BLM: variants seen among roughly 807,000 people sequenced by gnomAD.
BLM encodes the protein BLM RecQ like helicase, also known as recQ-like DNA helicase BLM.
A neutral mutation model predicts 135.3 loss-of-function variants in BLM; 95 were observed. That is an observed-to-expected ratio of 0.70 (90% confidence interval 0.59 to 0.83). BLM has a LOEUF of 0.83. Among genes scored for constraint, BLM ranks in the 40% least tolerant of loss-of-function variants. The pLI, the probability that BLM is intolerant of heterozygous loss-of-function variation, is 0.00. For missense variants in BLM, 1,518 were observed against 1,663.9 expected (o/e 0.91, Z 1.53); for synonymous variants, 520 against 589.2 (o/e 0.88, Z 1.70).
At chr15:90,798,130 C>T in intron 16 of BLM, 60 bp from the exon 17 acceptor site, 1 of 1,433,284 alleles carries the variant, frequency 7.0e-7, no homozygotes, top group Non-Finnish European at 9.7e-7. Context: ...ATATTAAACC[C>T]TAGTAATCTA....
At chr15:90,783,684 G>C (rs1336915926) in intron 13 of BLM, among the ~76,000 whole-genome samples, 1 of 152,174 alleles carries the variant, frequency 6.6e-6, no homozygotes. Flanking sequence ...TGAATCACTT[G>C]AGGTCAGGAT....
chr15:90,775,510 A>G (rs943993806), intron 12 of BLM, among the ~76,000 whole-genome samples: 16 of 144,850 alleles, frequency 1.1e-4, no homozygotes, highest in African/African-American at 2.6e-4. Flanking sequence ...TTATATATAT[A>G]TGTGTGTGTG....
At chr15:90,811,139 A>G in intron 20 of BLM, 66 bp from the exon 21 acceptor site, 1 of 1,552,808 alleles carries the variant, frequency 6.4e-7, no homozygotes, top group Non-Finnish European at 8.9e-7. Context: ...GTGTCTCTTC[A>G]TATACACTAA....
intron 16 of BLM, among the ~76,000 whole-genome samples, chr15:90,794,756 A>G (rs1040705577): frequency 6.7e-6 from 1 of 148,972 alleles, no homozygotes; most frequent in African/African-American, 2.4e-5. Context: ...TAAATTAAAT[A>G]TATTAAAATT....
intron 1 of BLM, among the ~76,000 whole-genome samples, chr15:90,725,179 G>A (rs1363022376): frequency 8.5e-5 from 13 of 152,108 alleles, no homozygotes; most frequent in Admixed American, 8.5e-4. Flanking sequence ...AAAGTGCTGG[G>A]ATTACAGGCA....
intron 14 of BLM, among the ~76,000 whole-genome samples, chr15:90,790,114 T>C (rs1596256631): frequency 6.7e-6 from 1 of 150,108 alleles, no homozygotes; most frequent in East Asian, 2.0e-4. Flanking sequence ...ATAGAAGGAG[T>C]TGATGTGTGA....
At chr15:90,789,240 A>G (rs1896838441) in intron 14 of BLM, among the ~76,000 whole-genome samples, 1 of 152,216 alleles carries the variant, frequency 6.6e-6, no homozygotes, top group South Asian at 2.1e-4. Context: ...TTCACAAAGA[A>G]TGATTGTGGC....
chr15:90,745,511 G>T (rs1250368513), intron 1 of BLM, among the ~76,000 whole-genome samples: 1 of 152,124 alleles, frequency 6.6e-6, no homozygotes, highest in African/African-American at 2.4e-5. Context: ...CTAGGCTCAA[G>T]CAGTCCTCCC....
Position 90,749,566 on chromosome 15 carries a change from CAGAG to C in BLM, c.301_304del (p.Arg101ValfsTer27), listed in dbSNP as rs1489224386. On this transcript the variant is annotated frameshift_variant, in exon 3 of 22. Transcript: ENST00000355112. LOFTEE classifies it high-confidence loss of function. ...AAATGCTCCAGCAGGACAGGAAACA[CAGAG>C]AGGTGGATCAAAATCATTATTGCCA... is the stretch of plus-strand genomic sequence containing the variant. 6.2e-7 allele frequency: 1 copy of C among 1,614,168 alleles called. No homozygotes were observed. Among genetic ancestry groups the C allele is most frequent in the Non-Finnish European group, 8.5e-7 (1 of 1,180,024 alleles).
chr15:90,736,201 C>A (rs753912874), intron 1 of BLM, among the ~76,000 whole-genome samples: 3 of 152,194 alleles, frequency 2.0e-5, no homozygotes, highest in Non-Finnish European at 4.4e-5. Context: ...ACTACACATG[C>A]ATTTGCCCTT....
Position 90,719,409 on chromosome 15 carries a change from C to T in BLM, c.-5+1969C>T, listed in dbSNP as rs1265556394. On this transcript the variant is annotated intron_variant, in intron 1 of 21. Coordinates refer to ENST00000355112, the MANE Select transcript of BLM (RefSeq NM_000057.4). Reference sequence around the variant, plus strand: ...CTGAGGCCAGGAGTTCGAGACTTGCCTCACCAACATGGCGAAACTCCCTCT... The same window carrying T: ...CTGAGGCCAGGAGTTCGAGACTTGCTTCACCAACATGGCGAAACTCCCTCT... Among the ~76,000 whole-genome samples the T allele has an allele frequency of 3.3e-5, 5 of 152,186 alleles. 1 individual carries two copies. The East Asian group carries it at 7.7e-4, about 23-fold the overall frequency.
At position 90,766,243 on chromosome 15, in the gene BLM, T is replaced by G. The variant is rs779025492; in HGVS notation, c.2194-667T>G. 1.1e-3 allele frequency among the ~76,000 whole-genome samples: 166 copies of G among 152,224 alleles called. 3 individuals are homozygous for G. The highest frequency in any genetic ancestry group is 1.1e-3 in the Non-Finnish European group (76 of 68,046). ...CATTGTTCAACCATTTGTCATATTA[T>G]GGCCCCTTCATTGTCATTAATCTTT... is the stretch of plus-strand genomic sequence containing the variant. On this transcript the variant is annotated intron_variant, in intron 9 of 21. Coordinates refer to ENST00000355112, the MANE Select transcript of BLM (RefSeq NM_000057.4).
chr15:90,743,127 G>C (rs1173363226), intron 1 of BLM, among the ~76,000 whole-genome samples: 3 of 150,982 alleles, frequency 2.0e-5, no homozygotes, highest in Non-Finnish European at 2.9e-5. Context: ...TCCCTGAGTA[G>C]TTGGGACTGT....
At chr15:90,775,694 T>C (rs192072834) in intron 12 of BLM, among the ~76,000 whole-genome samples, 2 of 152,144 alleles carry the variant, frequency 1.3e-5, no homozygotes, top group Non-Finnish European at 2.9e-5. Context: ...CTATTTTTAG[T>C]AGAGACGGGG....
chr15:90,726,455 A>G (rs1894919241), intron 1 of BLM, among the ~76,000 whole-genome samples: 1 of 152,080 alleles, frequency 6.6e-6, no homozygotes. Flanking sequence ...TTTAGTAGAG[A>G]CGGGGTTTCT....
chr15:90,792,831 G>A (rs905840809), intron 15 of BLM, among the ~76,000 whole-genome samples: 2 of 152,040 alleles, frequency 1.3e-5, no homozygotes, highest in Non-Finnish European at 2.9e-5. Context: ...ACCCAAGTTC[G>A]TCTGATTCCA....
chr15:90,782,188 G>A lies in BLM; in HGVS notation c.2556-634G>A, dbSNP rs538121137. On this transcript the variant is annotated intron_variant, in intron 12 of 21. Coordinates refer to ENST00000355112, the MANE Select transcript of BLM (RefSeq NM_000057.4). ...GGATTGCTTGAGGTCAGGAGTTCGA[G>A]ACCAGCCTGGCCAACATGGTGAAAC... Among the ~76,000 whole-genome samples, 7 of 152,266 alleles carry A rather than the reference G, an allele frequency of 4.6e-5. 1 individual carries two copies. The highest frequency in any genetic ancestry group is 2.1e-4 in the South Asian group (1 of 4,824).
At chr15:90,728,962 G>A (rs1471143934) in intron 1 of BLM, among the ~76,000 whole-genome samples, 1 of 151,698 alleles carries the variant, frequency 6.6e-6, no homozygotes, top group Non-Finnish European at 1.5e-5. Flanking sequence ...GGAGTATCGC[G>A]GGAGCCCAGA....
chr15:90,734,283 T>A (rs930261437), intron 1 of BLM, among the ~76,000 whole-genome samples: 15 of 151,950 alleles, frequency 9.9e-5, no homozygotes, highest in Non-Finnish European at 1.9e-4. Flanking sequence ...TATATTGTAA[T>A]CAATACTTCT....
Sources: gnomAD v4.1 joint callset for allele counts (sites outside exome capture counted in the v4.1 genomes callset) on GRCh38, gnomAD v4.1.1 for gene constraint, MANE v1.5 for transcripts, NCBI Gene and HGNC (gene_info 2026-07-23, HGNC 2026-07-21) for gene names.